The following PPARG variants were observed in gnomAD, a reference collection of about 807,000 sequenced individuals.
PPARG encodes the protein peroxisome proliferator-activated receptor gamma.
A neutral mutation model predicts 39.2 loss-of-function variants in PPARG; 17 were observed. That is an observed-to-expected ratio of 0.43 (90% CI 0.30 to 0.65). The LOEUF is 0.65. Among genes scored for constraint, PPARG ranks in the 30% least tolerant of loss-of-function variants. PPARG has a pLI of 0.13. For missense variants in PPARG, 406 were observed against 585.9 expected, an observed-to-expected ratio of 0.69 and a Z score of 3.17; for synonymous variants, 223 against 215.7, an observed-to-expected ratio of 1.03 and a Z score of -0.30.
intron 3 of PPARG, among the ~76,000 whole-genome samples, chr3:12,380,834 C>T (rs754006933): frequency 2.6e-5 from 4 of 152,158 alleles, no homozygotes; most frequent in Non-Finnish European, 4.4e-5. Flanking sequence ...AACCTGGGCT[C>T]ATATTTTTCA....
chr3:12,363,451 C>A (rs1427646164), intron 2 of PPARG, among the ~76,000 whole-genome samples: 1 of 151,882 alleles, frequency 6.6e-6, no homozygotes, highest in East Asian at 1.9e-4. Context: ...GTGCTTGACA[C>A]AGTAAGTTGA....
intron 5 of PPARG, among the ~76,000 whole-genome samples, chr3:12,395,927 A>T (rs2050241541): frequency 6.6e-6 from 1 of 152,216 alleles, no homozygotes; most frequent in Admixed American, 6.5e-5. Context: ...TGATCATTGC[A>T]TCAACTACTC....
chr3:12,321,545 T>C (rs1251451283), intron 2 of PPARG, among the ~76,000 whole-genome samples: 1 of 152,224 alleles, frequency 6.6e-6, no homozygotes, highest in Non-Finnish European at 1.5e-5. Context: ...ATTATTGTTT[T>C]AGTTCAGGTT....
intron 4 of PPARG, among the ~76,000 whole-genome samples, chr3:12,384,777 T>C (rs905939657): frequency 4.6e-5 from 7 of 152,138 alleles, no homozygotes; most frequent in South Asian, 2.1e-4. Flanking sequence ...GGAAGCTACA[T>C]GATGTAGGAT....
At chr3:12,359,110 C>CTGTA (rs1313370442) in intron 2 of PPARG, among the ~76,000 whole-genome samples, 3 of 152,152 alleles carry the variant, frequency 2.0e-5, no homozygotes, top group Non-Finnish European at 2.9e-5. Flanking sequence ...AGTCTGGTCT[C>CTGTA]TGTACTTCCT....
chr3:12,407,383 G>C (rs1041858159), intron 6 of PPARG, among the ~76,000 whole-genome samples: 5 of 152,132 alleles, frequency 3.3e-5, no homozygotes, highest in Non-Finnish European at 5.9e-5. Context: ...GGATGGTCTT[G>C]ATCTCCTGAC....
chr3:12,330,416 A>G (rs749226597), intron 2 of PPARG, among the ~76,000 whole-genome samples: 1 of 148,692 alleles, frequency 6.7e-6, no homozygotes, highest in Non-Finnish European at 1.5e-5. Context: ...TCATGTGCTT[A>G]TTGGTCATTT....
At chr3:12,369,829 C>A (rs1012239505) in intron 2 of PPARG, among the ~76,000 whole-genome samples, 1 of 152,166 alleles carries the variant, frequency 6.6e-6, no homozygotes, top group Non-Finnish European at 1.5e-5. Flanking sequence ...TCATTTCTTG[C>A]TATGTACTCA....
intron 2 of PPARG, chr3:12,351,671 C>G: frequency 6.2e-7 from 1 of 1,604,574 alleles, no homozygotes; most frequent in Non-Finnish European, 8.5e-7. Context: ...AAACATATCA[C>G]AAGGTAAAGT....
chr3:12,411,363 C>T (rs1168215866), intron 6 of PPARG, among the ~76,000 whole-genome samples: 1 of 152,074 alleles, frequency 6.6e-6, no homozygotes, highest in Non-Finnish European at 1.5e-5. Flanking sequence ...TGTCGTAAAT[C>T]TCTAAACCCT....
intron 2 of PPARG, among the ~76,000 whole-genome samples, chr3:12,338,565 C>G (rs1340145860): frequency 1.3e-5 from 2 of 151,990 alleles, no homozygotes; most frequent in African/African-American, 4.8e-5. Flanking sequence ...TTTACACAAC[C>G]AAAATAAATT....
At chr3:12,352,986 A>T (rs780826964) in intron 2 of PPARG, among the ~76,000 whole-genome samples, 26 of 152,222 alleles carry the variant, frequency 1.7e-4, no homozygotes, top group Non-Finnish European at 3.1e-4. Context: ...AAAATTTGAT[A>T]GTTTTGTCTA....
chr3:12,413,635 C>T (rs1444659163), intron 6 of PPARG, among the ~76,000 whole-genome samples: 2 of 151,126 alleles, frequency 1.3e-5, no homozygotes, highest in Non-Finnish European at 2.9e-5. Flanking sequence ...ATGGTGAAAC[C>T]CCGTCTATAC....
chr3:12,377,113 C>T (rs2028759), intron 2 of PPARG, among the ~76,000 whole-genome samples: 61,199 of 151,984 alleles, frequency 0.4, 13,711 homozygotes, highest in South Asian at 0.66. Flanking sequence ...CTCACAAGTT[C>T]ACATGAAGTG....
chr3:12,337,752 A>G (rs2048055866), intron 2 of PPARG, among the ~76,000 whole-genome samples: 1 of 152,226 alleles, frequency 6.6e-6, no homozygotes, highest in South Asian at 2.1e-4. Context: ...ACTATGGATC[A>G]AAAGTATTTT....
chr3:12,308,218 C>G (rs540288271), intron 1 of PPARG, among the ~76,000 whole-genome samples: 1 of 152,006 alleles, frequency 6.6e-6, no homozygotes, highest in Non-Finnish European at 1.5e-5. Context: ...ATGGCGCACA[C>G]ATGTAGTCCC....
At chr3:12,358,970 A>T (rs967227666) in intron 2 of PPARG, among the ~76,000 whole-genome samples, 12 of 152,162 alleles carry the variant, frequency 7.9e-5, no homozygotes, top group Non-Finnish European at 1.6e-4. Context: ...TGACCATCCA[A>T]ATCTTGATCA....
chr3:12,430,405 C>T (rs1257263405), intron 7 of PPARG, among the ~76,000 whole-genome samples: 1 of 152,188 alleles, frequency 6.6e-6, no homozygotes, highest in Non-Finnish European at 1.5e-5. Context: ...AAAGTCAGAA[C>T]TTACAATACA....
intron 2 of PPARG, chr3:12,372,223 A>C (rs1034608265): frequency 4.3e-6 from 3 of 702,956 alleles, no homozygotes; most frequent in Admixed American, 4.2e-5. Flanking sequence ...CATTATAGGT[A>C]TTCATGAAGA....
Sources: allele counts gnomAD v4.1 joint callset (sites outside exome capture counted in the v4.1 genomes callset), GRCh38; gene constraint gnomAD v4.1.1; transcripts MANE v1.5; gene names NCBI Gene and HGNC (gene_info 2026-07-23, HGNC 2026-07-21).